The following HMCN1 variants were observed in gnomAD, a reference collection of about 807,000 sequenced individuals.
HMCN1 encodes hemicentin 1, also known as hemicentin-1.
HMCN1 carries 321 observed loss-of-function variants against 625.9 expected under a neutral mutation model. The ratio of observed to expected loss-of-function variants is 0.51; its 90% CI spans 0.47 to 0.56. The LOEUF (loss-of-function observed/expected upper bound fraction) is 0.56. HMCN1 is among the 20% of genes least tolerant of loss of function. The pLI is 0.00. For synonymous variants in HMCN1, 2,425 were observed against 2,417.6 expected (o/e 1.00, Z -0.09); for missense variants, 6,588 against 6,887.3 (o/e 0.96, Z 1.54).
intron 11 of HMCN1, among the ~76,000 whole-genome samples, chr1:185,934,434 A>G (rs1444454163): frequency 6.6e-6 from 1 of 152,172 alleles, no homozygotes; most frequent in East Asian, 1.9e-4. Context: ...TGACTACTGA[A>G]TGTTCCAATA....
chr1:186,104,074 A>G (rs999571142), intron 69 of HMCN1, among the ~76,000 whole-genome samples: 1 of 152,138 alleles, frequency 6.6e-6, no homozygotes, highest in Non-Finnish European at 1.5e-5. Context: ...AAGAGACACA[A>G]TTTTTCAAAT....
At chr1:185,986,773 G>A (rs796456634) in intron 19 of HMCN1, among the ~76,000 whole-genome samples, 20 of 149,014 alleles carry the variant, frequency 1.3e-4, no homozygotes, top group African/African-American at 5.0e-4. Context: ...CAGGAGGATT[G>A]CGTGAGCCTA....
At chr1:186,147,482 A>C (rs148948964) in intron 93 of HMCN1, among the ~76,000 whole-genome samples, 1 of 151,798 alleles carries the variant, frequency 6.6e-6, no homozygotes, top group African/African-American at 2.4e-5. Flanking sequence ...CATCATGAAA[A>C]AATGTTTTCT....
chr1:185,980,197 A>G (rs1386313201), intron 16 of HMCN1, among the ~76,000 whole-genome samples: 1 of 152,226 alleles, frequency 6.6e-6, no homozygotes, highest in African/African-American at 2.4e-5. Context: ...TCAATACGTA[A>G]ATACTCTGGC....
chr1:186,057,641 G>A (rs528703479), intron 46 of HMCN1, among the ~76,000 whole-genome samples: 3 of 152,028 alleles, frequency 2.0e-5, no homozygotes, highest in South Asian at 2.1e-4. Flanking sequence ...CGCTGATTAC[G>A]ACAGTCATGG....
In HMCN1 at chr1:185,925,200, A is replaced by C; in HGVS notation, c.1430+9A>C. On this transcript the variant is annotated intron_variant, in intron 9 of 106. Coordinates refer to ENST00000271588, the MANE Select transcript of HMCN1 (RefSeq NM_031935.3). ...GTAGACCAGTATTTGAAGTAGGTAC[A>C]TGTTTCTGTCAGTAATAAGATTCAG... The C allele has an allele frequency of 1.2e-6, 2 of 1,610,446 alleles. No individual in the cohort carries two copies. The highest frequency in any genetic ancestry group is 1.7e-6 in the Non-Finnish European group (2 of 1,176,710).
chr1:185,891,736 C>G (rs931305313), intron 4 of HMCN1, among the ~76,000 whole-genome samples: 2 of 148,020 alleles, frequency 1.4e-5, no homozygotes, highest in African/African-American at 5.3e-5. Flanking sequence ...CTCTGGCTGC[C>G]CTTAACATTT....
intron 52 of HMCN1, among the ~76,000 whole-genome samples, chr1:186,074,044 A>G (rs1174343555): frequency 6.6e-6 from 1 of 152,040 alleles, no homozygotes; most frequent in Non-Finnish European, 1.5e-5. Context: ...TTATGAGAAG[A>G]GTATCATTAG....
intron 10 of HMCN1, among the ~76,000 whole-genome samples, chr1:185,929,366 A>G (rs1212900812): frequency 2.0e-5 from 3 of 152,126 alleles, no homozygotes; most frequent in Non-Finnish European, 4.4e-5. Flanking sequence ...ATATTATTTT[A>G]TATACATTAA....
chr1:185,757,897 T>C lies in HMCN1; in HGVS notation c.268+22850T>C, dbSNP rs1347407324. On this transcript the variant is annotated intron_variant, in intron 1 of 106. Coordinates refer to ENST00000271588, the MANE Select transcript of HMCN1 (RefSeq NM_031935.3). ...ACTGTATTGTCATGTTCCTTGAATT[T>C]TGGTTATTCATAGATACTCTTATAT... 2.0e-5 allele frequency among the ~76,000 whole-genome samples: 3 copies of C among 152,334 alleles called. No individual in the cohort carries two copies. In the East Asian group the frequency reaches 5.8e-4, roughly 29 times the overall value.
At chr1:185,744,134 G>T (rs915150990) in intron 1 of HMCN1, among the ~76,000 whole-genome samples, 3 of 151,234 alleles carry the variant, frequency 2.0e-5, no homozygotes, top group East Asian at 3.9e-4. Context: ...GACTACAGGC[G>T]CCCGCCACCA....
chr1:186,063,056 G>GCA (rs1657821922), intron 48 of HMCN1, among the ~76,000 whole-genome samples: 1 of 101,146 alleles, frequency 9.9e-6, no homozygotes, highest in Non-Finnish European at 1.8e-5. Flanking sequence ...GTGTGTGTGT[G>GCA]TGTGTGTGTG....
At chr1:185,865,102 G>A (rs1663097493) in intron 3 of HMCN1, among the ~76,000 whole-genome samples, 1 of 152,200 alleles carries the variant, frequency 6.6e-6, no homozygotes, top group Non-Finnish European at 1.5e-5. Flanking sequence ...GCTCACTGGT[G>A]TGTCTAGGGA....
At chr1:186,015,835 C>A (rs752967888) in intron 31 of HMCN1, 123 bp from the exon 32 acceptor site, 3 of 836,336 alleles carry the variant, frequency 3.6e-6, no homozygotes, top group Non-Finnish European at 5.9e-6. Context: ...GGGAGACAGG[C>A]ATATAGGTAG....
Position 186,053,868 on chromosome 1 carries a change from A to G in HMCN1, c.6744A>G (p.Leu2248=). 1.2e-6 allele frequency: 2 copies of G among 1,612,736 alleles called. No individual in the cohort carries two copies. The highest frequency in any genetic ancestry group is 1.7e-6 in the Non-Finnish European group (2 of 1,179,200). The change falls in exon 44 of 107, where the codon TTA becomes TTG. Residue 2248 remains leucine, a synonymous_variant. Transcript: ENST00000271588. ...LTDSMGRVRI[L]SGGRQLQISI... ...ATTCCATGGGGCGAGTTAGAATTTT[A>G]TCTGGGGGCAGGCAATTACAAATTT...
chr1:186,173,669 A>G (rs940246079), intron 102 of HMCN1, among the ~76,000 whole-genome samples: 1 of 151,324 alleles, frequency 6.6e-6, no homozygotes, highest in Non-Finnish European at 1.5e-5. Context: ...AAAAGAAAAA[A>G]AAAAAGTAGC....
chr1:185,799,868 G>A (rs186258483), intron 1 of HMCN1, among the ~76,000 whole-genome samples: 1 of 152,298 alleles, frequency 6.6e-6, no homozygotes, highest in East Asian at 1.9e-4. Context: ...GGTGATGGGT[G>A]GGGCTATGGA....
chr1:186,089,571 T>C (rs1659721724), intron 63 of HMCN1, among the ~76,000 whole-genome samples: 1 of 152,022 alleles, frequency 6.6e-6, no homozygotes, highest in African/African-American at 2.4e-5. Flanking sequence ...GAAAAACAGC[T>C]AGTCAGAGAT....
intron 57 of HMCN1, among the ~76,000 whole-genome samples, chr1:186,085,513 C>T (rs980239911): frequency 2.0e-5 from 3 of 152,044 alleles, no homozygotes; most frequent in African/African-American, 7.2e-5. Flanking sequence ...TCCTTAAAGG[C>T]CTCATCTTCA....
Sources: gnomAD v4.1 joint callset for allele counts (sites outside exome capture counted in the v4.1 genomes callset) on GRCh38, gnomAD v4.1.1 for gene constraint, MANE v1.5 for transcripts, NCBI Gene and HGNC (gene_info 2026-07-23, HGNC 2026-07-21) for gene names.